The following KIF24 variants were observed in gnomAD, a reference collection of about 807,000 sequenced individuals.
KIF24 encodes kinesin-like protein KIF24.
Under a neutral mutation model 118.9 loss-of-function variants are expected in KIF24, and 81 were observed. That is an observed-to-expected ratio of 0.68 (90% CI 0.57 to 0.82). The LOEUF (loss-of-function observed/expected upper bound fraction) is 0.82. Ranked by LOEUF, KIF24 falls within the 40% of genes least tolerant of loss-of-function variation. KIF24 has a pLI of 0.00. For missense variants in KIF24, 1,560 were observed against 1,661.6 expected, an observed-to-expected ratio of 0.94 and a Z score of 1.06; for synonymous variants, 599 against 610.0, an observed-to-expected ratio of 0.98 and a Z score of 0.27.
intron 2 of KIF24, among the ~76,000 whole-genome samples, chr9:34,308,210 T>G (rs939441294): frequency 2.0e-5 from 3 of 152,142 alleles, no homozygotes; most frequent in African/African-American, 7.2e-5. Flanking sequence ...TCAAGCAATC[T>G]GCCTGCCTTG....
chr9:34,290,505 A>G (rs1836216767), intron 4 of KIF24, 116 bp from the exon 5 acceptor site: 1 of 613,634 alleles, frequency 1.6e-6, no homozygotes, highest in East Asian at 2.7e-5. Flanking sequence ...AAATTCAGCT[A>G]TAAACACATA....
rs1835162411 is a variant in KIF24 at position 34,263,252 on chromosome 9, CTTGT to C, written c.1444-84_1444-81del. The C allele has an allele frequency of 2.4e-5, 24 of 981,890 alleles. No individual in the cohort carries two copies. The South Asian group carries it at 3.1e-4, about 13-fold the overall frequency. The allele number at this position is 981,890 out of a possible 1,614,324, so 60.8% of individuals were successfully genotyped here. On this transcript the variant is annotated intron_variant, in intron 8 of 12. Transcript: ENST00000402558. ...GACCTGATGCCGCCTCCACAGGAAG[CTTGT>C]TTTTCTTCAATAAACCACACTCAGA...
chr9:34,254,954 G>T, intron 12 of KIF24, 118 bp downstream of exon 12: 2 of 690,966 alleles, frequency 2.9e-6, no homozygotes, highest in Non-Finnish European at 2.5e-6. Context: ...CTCAGTTATG[G>T]TTAGTGTGTG....
chr9:34,257,101 T>C lies in KIF24; in HGVS notation c.2506A>G (p.Ile836Val), dbSNP rs1834879484. 4 of 1,614,032 alleles carry C rather than the reference T, an allele frequency of 2.5e-6. No individual in the cohort carries two copies. In the Admixed American group the frequency reaches 5.0e-5, roughly 20 times the overall value. Residue 836 changes from isoleucine (I) to valine (V), a missense_variant, in exon 11 of 13, where the codon ATC becomes GTC. Transcript: ENST00000402558. ...TGCTTTGTGGCCCTCTGACTAGAGA[T>C]GTGTGAAAAAGAATCTTCACTGAAA... ...SDFSEDSFSH[I>V]SSQRATKQRN...
chr9:34,291,508 C>T (rs1383861560), intron 4 of KIF24, among the ~76,000 whole-genome samples: 1 of 152,212 alleles, frequency 6.6e-6, no homozygotes, highest in Non-Finnish European at 1.5e-5. Context: ...AGTTGTGATG[C>T]CCTATGATTC....
chr9:34,263,032 G>A (rs2131681287), intron 9 of KIF24, 69 bp downstream of exon 9: 1 of 1,222,712 alleles, frequency 8.2e-7, no homozygotes, highest in Admixed American at 1.9e-5. Context: ...TCGACTGAAT[G>A]AACAAATACA....
At chr9:34,321,844 C>T (rs961442756) in intron 1 of KIF24, among the ~76,000 whole-genome samples, 13 of 151,860 alleles carry the variant, frequency 8.6e-5, no homozygotes, top group African/African-American at 2.9e-4. Context: ...TGGGCTCAAG[C>T]GATCCTCTTG....
intron 6 of KIF24, among the ~76,000 whole-genome samples, chr9:34,280,384 T>C (rs1486451987): frequency 2.0e-5 from 3 of 149,954 alleles, no homozygotes; most frequent in Non-Finnish European, 4.4e-5. Flanking sequence ...ATTTACAGTC[T>C]AAAGGCAATG....
At chr9:34,313,590 G>A (rs1014365014) in intron 1 of KIF24, among the ~76,000 whole-genome samples, 4 of 151,834 alleles carry the variant, frequency 2.6e-5, no homozygotes, top group Admixed American at 2.6e-4. Context: ...GGGACTATAG[G>A]TGTGAGCCAC....
intron 5 of KIF24, among the ~76,000 whole-genome samples, chr9:34,288,562 G>C (rs1184661592): frequency 1.3e-5 from 2 of 151,614 alleles, no homozygotes; most frequent in Admixed American, 6.6e-5. Context: ...CAATGGACCA[G>C]AACATTTCAG....
chr9:34,257,036 C>T lies in KIF24; in HGVS notation c.2571G>A (p.Leu857=). The change falls in exon 11 of 13, where the codon CTG becomes CTA. Residue 857 remains leucine, a synonymous_variant. Transcript: ENST00000402558. ...CAGGACCCTGTCCCCACGTCTGGTG[C>T]AGGAAGAATGAGTCTTCGCTATTCT... ...TLENSEDSFF[L]HQTWGQGPEK... The T allele has an allele frequency of 3.7e-6, 6 of 1,614,036 alleles. No homozygotes were observed. Among genetic ancestry groups the T allele is most frequent in the Non-Finnish European group, 5.1e-6 (6 of 1,179,888 alleles).
intron 8 of KIF24, among the ~76,000 whole-genome samples, chr9:34,264,927 T>C (rs1835229236): frequency 6.6e-6 from 1 of 152,150 alleles, no homozygotes; most frequent in Non-Finnish European, 1.5e-5. Context: ...GAGCTCTATG[T>C]ACAGTCATGC....
intron 3 of KIF24, among the ~76,000 whole-genome samples, chr9:34,299,058 C>A (rs1456324210): frequency 6.6e-6 from 1 of 151,952 alleles, no homozygotes; most frequent in East Asian, 1.9e-4. Context: ...GAATATATAT[C>A]ATTCTTATGT....
At chr9:34,304,316 T>TGAGA (rs1453380560) in intron 3 of KIF24, among the ~76,000 whole-genome samples, 3 of 152,180 alleles carry the variant, frequency 2.0e-5, no homozygotes, top group Admixed American at 2.0e-4. Flanking sequence ...TTCGGACCTA[T>TGAGA]GAGAGCAAAG....
Position 34,252,571 on chromosome 9 carries a change from T to C in KIF24, c.*1809A>G, listed in dbSNP as rs1834632814. 1 of 152,416 alleles carries C rather than the reference T, an allele frequency of 6.6e-6. No individual in the cohort carries two copies. Among genetic ancestry groups the C allele is most frequent in the Admixed American group, 6.6e-5 (1 of 15,250 alleles). 9.4% of individuals were successfully genotyped at this position (152,416 alleles called of 1,614,324 possible). A position where few individuals can be genotyped will look rare whatever the true frequency, so the allele number is the denominator to read the frequency against. Reference sequence around the variant, plus strand: ...TATTACCAAGGCTGTTTTATGGGAGTGGGGGGGCCATGTGGTGTATAAAGA... The same window carrying C: ...TATTACCAAGGCTGTTTTATGGGAGCGGGGGGGCCATGTGGTGTATAAAGA... On this transcript the variant is annotated 3_prime_UTR_variant, in exon 13 of 13. Coordinates refer to ENST00000402558, the MANE Select transcript of KIF24 (RefSeq NM_194313.4).
chr9:34,268,457 A>C (rs956097960), intron 8 of KIF24, among the ~76,000 whole-genome samples: 3 of 148,290 alleles, frequency 2.0e-5, no homozygotes, highest in African/African-American at 7.5e-5. Context: ...CGCCCAGCTG[A>C]GATATATACA....
chr9:34,309,916 ATT>A (rs1837071449), intron 2 of KIF24, among the ~76,000 whole-genome samples: 1 of 151,922 alleles, frequency 6.6e-6, no homozygotes, highest in African/African-American at 2.4e-5. Flanking sequence ...TCAAGAATGA[ATT>A]TTGTTTGCCC....
At position 34,318,449 on chromosome 9, in the gene KIF24, G is replaced by T. The variant is rs927472701; in HGVS notation, c.-25-7078C>A. ...CAGCGCCTTCTGCCTCCTGGCGGTGGCCTTGGCGACCGAGGTGAAGAAACC... is the reference window on the plus strand; with the variant it reads ...CAGCGCCTTCTGCCTCCTGGCGGTGTCCTTGGCGACCGAGGTGAAGAAACC... On this transcript the variant is annotated intron_variant, in intron 1 of 12. Transcript: ENST00000402558. The surrounding 1 kb of genome is among the most constrained non-coding windows in gnomAD (Gnocchi z 4.9). 10 of 723,912 alleles carry T rather than the reference G, an allele frequency of 1.4e-5. No individual in the cohort carries two copies. The African/African-American group carries it at 1.5e-4, about 11-fold the overall frequency. The allele number at this position is 723,912 out of a possible 1,614,324, so 44.8% of individuals were successfully genotyped here. A position where few individuals can be genotyped will look rare whatever the true frequency, so the allele number is the denominator to read the frequency against.
At chr9:34,316,066 T>C (rs1032511300) in intron 1 of KIF24, among the ~76,000 whole-genome samples, 3 of 149,854 alleles carry the variant, frequency 2.0e-5, no homozygotes, top group Non-Finnish European at 3.0e-5. Context: ...AATGTTCCAT[T>C]ATCGGCCGGG....
Sources: gnomAD v4.1 joint callset for allele counts (sites outside exome capture counted in the v4.1 genomes callset) on GRCh38, gnomAD v4.1.1 for gene constraint, Gnocchi (gnomAD v3.1) non-coding constraint, MANE v1.5 for transcripts, NCBI Gene and HGNC (gene_info 2026-07-23, HGNC 2026-07-21) for gene names.